METTL24: variants seen among roughly 807,000 people sequenced by gnomAD.
The protein encoded by METTL24 is methyltransferase like 24.
Under a neutral mutation model 32.7 loss-of-function variants are expected in METTL24, and 29 were observed. That is an observed-to-expected ratio of 0.89 (90% CI 0.66 to 1.21). METTL24 has a LOEUF of 1.21. Ranked by LOEUF, METTL24 falls within the 50% of genes most tolerant of loss-of-function variation. METTL24 has a pLI of 0.00. For missense variants in METTL24, 439 were observed against 468.1 expected, an observed-to-expected ratio of 0.94 and a Z score of 0.57; for synonymous variants, 163 against 179.5, an observed-to-expected ratio of 0.91 and a Z score of 0.73.
chr6:110,298,452 T>C (rs568647302), intron 4 of METTL24, among the ~76,000 whole-genome samples: 2 of 152,238 alleles, frequency 1.3e-5, no homozygotes, highest in Non-Finnish European at 2.9e-5. Flanking sequence ...AAGCTATATA[T>C]ATTTTCTGTG....
intron 3 of METTL24, 40 bp from the exon 4 acceptor site, chr6:110,299,190 A>C (rs1230908276): frequency 6.4e-7 from 1 of 1,572,264 alleles, no homozygotes; most frequent in Non-Finnish European, 8.7e-7. Context: ...CAAAAAATGC[A>C]ATGAAGCAAA....
intron 4 of METTL24, among the ~76,000 whole-genome samples, chr6:110,252,641 T>C (rs1316664192): frequency 6.6e-6 from 1 of 152,240 alleles, no homozygotes; most frequent in East Asian, 1.9e-4. Flanking sequence ...TGGCAGCCTG[T>C]AGTGTCTCCT....
At chr6:110,313,259 A>AC (rs1771758133) in intron 3 of METTL24, among the ~76,000 whole-genome samples, 2 of 152,260 alleles carry the variant, frequency 1.3e-5, no homozygotes, top group African/African-American at 4.8e-5. Context: ...AGACATGATC[A>AC]ATGCTGGAGG....
chr6:110,270,004 T>C (rs1770925775), intron 4 of METTL24, among the ~76,000 whole-genome samples: 2 of 152,208 alleles, frequency 1.3e-5, no homozygotes, highest in South Asian at 4.1e-4. Context: ...GACACTTTTA[T>C]TTCTTTGTTG....
At chr6:110,298,826 T>C (rs1771467449) in intron 4 of METTL24, 96 bp downstream of exon 4, 1 of 1,016,758 alleles carries the variant, frequency 9.8e-7, no homozygotes. Context: ...GACCTTCAGC[T>C]ATCCAATGTC....
chr6:110,280,179 G>A (rs1454541458), intron 4 of METTL24, among the ~76,000 whole-genome samples: 1 of 152,108 alleles, frequency 6.6e-6, no homozygotes, highest in Non-Finnish European at 1.5e-5. Context: ...ATTACAATTT[G>A]ACATGCAATT....
intron 4 of METTL24, among the ~76,000 whole-genome samples, chr6:110,269,568 G>C (rs558351737): frequency 6.6e-6 from 1 of 152,242 alleles, no homozygotes; most frequent in South Asian, 2.1e-4. Context: ...TAAAAAATGA[G>C]AGCTGATCTT....
At chr6:110,263,858 G>C (rs1468196874) in intron 4 of METTL24, among the ~76,000 whole-genome samples, 29 of 152,090 alleles carry the variant, frequency 1.9e-4, no homozygotes, top group Admixed American at 6.6e-4. Context: ...CTGACAAAAA[G>C]AAGAAATGGG....
chr6:110,288,081 G>A (rs931463570), intron 4 of METTL24, among the ~76,000 whole-genome samples: 7 of 152,194 alleles, frequency 4.6e-5, no homozygotes, highest in African/African-American at 1.7e-4. Context: ...CTTCACACCA[G>A]GGTCTCAGGC....
Position 110,296,395 on chromosome 6 carries a change from G to C in METTL24, c.786+2527C>G, listed in dbSNP as rs1771420233. On this transcript the variant is annotated intron_variant, in intron 4 of 4. Transcript: ENST00000338882. Reference sequence around the variant, plus strand: ...ACAGTTAATCATTTCACATAATGCTGGATCCAAGTGATATTACTCCCTGAC... The same window carrying C: ...ACAGTTAATCATTTCACATAATGCTCGATCCAAGTGATATTACTCCCTGAC... Among the ~76,000 whole-genome samples the C allele has an allele frequency of 1.3e-5, 2 of 152,192 alleles. 1 individual carries two copies. Among genetic ancestry groups the C allele is most frequent in the South Asian group, 4.1e-4 (2 of 4,824 alleles).
At chr6:110,310,473 C>A (rs964904014) in intron 3 of METTL24, among the ~76,000 whole-genome samples, 2 of 152,090 alleles carry the variant, frequency 1.3e-5, no homozygotes, top group African/African-American at 4.8e-5. Flanking sequence ...CATGAGAAGA[C>A]TTGCAGGCCA....
At chr6:110,325,158 C>T (rs1431957452) in intron 1 of METTL24, among the ~76,000 whole-genome samples, 1 of 152,164 alleles carries the variant, frequency 6.6e-6, no homozygotes, top group Non-Finnish European at 1.5e-5. Flanking sequence ...TAAAACCTCC[C>T]ACTTCACTGT....
chr6:110,259,395 G>T (rs974984420), intron 4 of METTL24, among the ~76,000 whole-genome samples: 2 of 152,202 alleles, frequency 1.3e-5, no homozygotes, highest in African/African-American at 4.8e-5. Context: ...AGATCAAACT[G>T]CAAGGCAGCG....
chr6:110,299,538 T>C (rs1312173730), intron 3 of METTL24, among the ~76,000 whole-genome samples: 2 of 152,188 alleles, frequency 1.3e-5, no homozygotes, highest in Non-Finnish European at 2.9e-5. Flanking sequence ...AGGAGAGATG[T>C]GTTCTACTAA....
intron 1 of METTL24, among the ~76,000 whole-genome samples, chr6:110,323,852 T>A (rs1230540872): frequency 6.6e-6 from 1 of 152,048 alleles, no homozygotes; most frequent in Non-Finnish European, 1.5e-5. Context: ...GTAGTGAGAA[T>A]GGGCCCCTAA....
chr6:110,304,249 A>T (rs1048086146), intron 3 of METTL24, among the ~76,000 whole-genome samples: 1 of 152,192 alleles, frequency 6.6e-6, no homozygotes, highest in African/African-American at 2.4e-5. Flanking sequence ...CAAAAACCAG[A>T]ACACCTCTTC....
intron 3 of METTL24, among the ~76,000 whole-genome samples, chr6:110,302,814 T>G (rs922771643): frequency 7.0e-4 from 107 of 152,202 alleles, no homozygotes; most frequent in African/African-American, 2.6e-3. Context: ...ATTAAACAAA[T>G]ACACATAGAA....
chr6:110,340,885 T>C (rs1308559554), intron 1 of METTL24, among the ~76,000 whole-genome samples: 4 of 152,194 alleles, frequency 2.6e-5, no homozygotes, highest in Admixed American at 2.6e-4. Context: ...CTTCTATTTT[T>C]ACATTGAAAA....
Position 110,298,921 on chromosome 6 carries a change from C to T in METTL24, c.786+1G>A. 1 of 1,613,640 alleles carries T rather than the reference C, an allele frequency of 6.2e-7. No individual in the cohort carries two copies. Among genetic ancestry groups the T allele is most frequent in the South Asian group, 1.1e-5 (1 of 91,052 alleles). ...GTATAAAATCAAATGAAAAACCTCACCTTGTGATGTCCAAATTCATTCAAA... is the reference window on the plus strand; with the variant it reads ...GTATAAAATCAAATGAAAAACCTCATCTTGTGATGTCCAAATTCATTCAAA... On this transcript the variant is annotated splice_donor_variant, in intron 4 of 4. Coordinates refer to ENST00000338882, the MANE Select transcript of METTL24 (RefSeq NM_001123364.3). LOFTEE classifies it high-confidence loss of function.
Sources: allele counts gnomAD v4.1 joint callset (sites outside exome capture counted in the v4.1 genomes callset), GRCh38; gene constraint gnomAD v4.1.1; transcripts MANE v1.5; gene names NCBI Gene and HGNC (gene_info 2026-07-23, HGNC 2026-07-21).